Variants in LEF1 observed in about 807,000 individuals in gnomAD.
LEF1 encodes lymphoid enhancer-binding factor 1.
Under a neutral mutation model 51.2 loss-of-function variants are expected in LEF1, and 14 were observed. That is an observed-to-expected ratio of 0.27 (90% CI 0.18 to 0.43). The LOEUF is 0.43. Among genes scored for constraint, LEF1 ranks in the 20% least tolerant of loss-of-function variants. The pLI is 1.00. For synonymous variants in LEF1, 185 were observed against 183.2 expected, an observed-to-expected ratio of 1.01 and a Z score of -0.08; for missense variants, 386 against 512.0, an observed-to-expected ratio of 0.75 and a Z score of 2.37.
chr4:108,075,242 T>G (rs1738773185), intron 8 of LEF1: 1 of 152,208 alleles, frequency 6.6e-6, no homozygotes, highest in Non-Finnish European at 1.5e-5. Flanking sequence ...AGATTGGAAA[T>G]AGCTGCATTT....
rs575034757 is a variant in LEF1, at chr4:108,073,067, C to A, written c.1009-2297G>T. The stretch of plus-strand genomic sequence containing the variant: ...TACAGGAATACATTACCAGGCCTGG[C>A]TAATCCTTGATTTTGTAAAAGAAAA... On this transcript the variant is annotated intron_variant, in intron 8 of 11. Transcript: ENST00000265165. Among the ~76,000 whole-genome samples, 14 of 152,282 alleles carry A rather than the reference C, an allele frequency of 9.2e-5. No individual in the cohort carries two copies. The East Asian group carries it at 2.7e-3, about 29-fold the overall frequency.
intron 4 of LEF1, among the ~76,000 whole-genome samples, chr4:108,087,391 C>T (rs892493081): frequency 3.3e-5 from 5 of 151,430 alleles, no homozygotes; most frequent in African/African-American, 1.2e-4. Flanking sequence ...CTGGTGATGA[C>T]CATTAGTCCC....
rs1739813758 is a variant in LEF1, at chr4:108,088,735, T to G, written c.547+390A>C. On this transcript the variant is annotated intron_variant, in intron 4 of 11. Coordinates refer to ENST00000265165, the MANE Select transcript of LEF1 (RefSeq NM_016269.5). ...GATATAATGGAATAACCAAAAGAGA[T>G]TCAAAAGAATAAATCTCCTACTTTC... 5.6e-5 allele frequency among the ~76,000 whole-genome samples: 3 copies of G among 53,672 alleles called. No individual in the cohort carries two copies. The Admixed American group carries it at 7.7e-4, about 14-fold the overall frequency. The allele number at this position is 53,672 out of a possible 152,430, so 35.2% of individuals were successfully genotyped here.
intron 11 of LEF1, among the ~76,000 whole-genome samples, chr4:108,049,269 C>A (rs567117707): frequency 6.6e-6 from 1 of 152,134 alleles, no homozygotes; most frequent in African/African-American, 2.4e-5. Context: ...GGATACAAAC[C>A]GCTCCCTTTT....
chr4:108,121,631 A>C (rs186052707), intron 3 of LEF1, among the ~76,000 whole-genome samples: 1 of 151,966 alleles, frequency 6.6e-6, no homozygotes, highest in Admixed American at 6.6e-5. Context: ...ATCTTAAAAA[A>C]CTCACACCTA....
rs542970716 is a variant in LEF1, at chr4:108,147,529, T to C, written c.414+16039A>G. ...AAAATTTAATCTCCATTTTCCTCTA[T>C]AGATACATAAGAAGCCCTCATAAAA... On this transcript the variant is annotated intron_variant, in intron 3 of 11. Coordinates refer to ENST00000265165, the MANE Select transcript of LEF1 (RefSeq NM_016269.5). 4.9e-4 allele frequency among the ~76,000 whole-genome samples: 75 copies of C among 152,346 alleles called. 2 individuals carry two copies. In the South Asian group the frequency reaches 0.014, roughly 29 times the overall value.
chr4:108,166,509 A>C, intron 1 of LEF1: 1 of 1,348,912 alleles, frequency 7.4e-7, no homozygotes, highest in South Asian at 1.6e-5. Flanking sequence ...GTTGTGGAAC[A>C]AGGGTGACCA....
intron 11 of LEF1, among the ~76,000 whole-genome samples, chr4:108,062,642 C>T (rs778590127): frequency 6.6e-6 from 1 of 152,138 alleles, no homozygotes; most frequent in Non-Finnish European, 1.5e-5. Flanking sequence ...GGAAATCCCT[C>T]CAGGAGCAAC....
In LEF1 at chr4:108,167,778, C is replaced by T; in HGVS notation, c.-11G>A. 1.9e-6 allele frequency: 3 copies of T among 1,609,736 alleles called. No individual in the cohort carries two copies. Among genetic ancestry groups the T allele is most frequent in the Non-Finnish European group, 2.5e-6 (3 of 1,179,222 alleles). The stretch of plus-strand genomic sequence containing the variant: ...GGAGAGTTGGGGCATCCCGGCGGCT[C>T]TGTAATCTCCGCTCCGCTGTGGGAG... On this transcript the variant is annotated 5_prime_UTR_variant, in exon 1 of 12. Coordinates refer to ENST00000265165, the MANE Select transcript of LEF1 (RefSeq NM_016269.5). The surrounding 1 kb of genome is among the most constrained non-coding windows in gnomAD (Gnocchi z 5.7).
intron 3 of LEF1, among the ~76,000 whole-genome samples, chr4:108,154,290 T>C (rs967723927): frequency 5.9e-5 from 9 of 151,918 alleles, no homozygotes; most frequent in African/African-American, 9.7e-5. Context: ...TAAGGAACCG[T>C]ATTAAATTGG....
chr4:108,152,940 C>A (rs921035833), intron 3 of LEF1, among the ~76,000 whole-genome samples: 18 of 152,338 alleles, frequency 1.2e-4, no homozygotes, highest in Middle Eastern at 3.4e-3. Context: ...TGCTTTGCTG[C>A]TGCTCTCTTT....
chr4:108,072,706 A>G (rs545382037), intron 8 of LEF1: 44 of 152,340 alleles, frequency 2.9e-4, no homozygotes, highest in African/African-American at 9.9e-4. Flanking sequence ...TCTTTGTACT[A>G]GTAGAATAAA....
intron 3 of LEF1, among the ~76,000 whole-genome samples, chr4:108,107,018 C>T (rs1454780098): frequency 1.3e-5 from 2 of 152,196 alleles, no homozygotes; most frequent in African/African-American, 4.8e-5. Flanking sequence ...GCTGGCTGGT[C>T]ACTTGTGCAT....
chr4:108,094,290 C>G (rs945285220), intron 3 of LEF1, among the ~76,000 whole-genome samples: 3 of 152,224 alleles, frequency 2.0e-5, no homozygotes, highest in South Asian at 2.1e-4. Context: ...TGCAGCCTTT[C>G]TCTCCAGGAC....
intron 2 of LEF1, 94 bp downstream of exon 2, chr4:108,165,003 A>T: frequency 9.6e-7 from 1 of 1,042,810 alleles, no homozygotes; most frequent in Non-Finnish European, 1.5e-6. Flanking sequence ...ACCTAGTCCC[A>T]GTTTCTTGAA....
intron 3 of LEF1, among the ~76,000 whole-genome samples, chr4:108,118,357 C>T (rs531310914): frequency 5.3e-5 from 8 of 152,270 alleles, no homozygotes; most frequent in African/African-American, 1.4e-4. Flanking sequence ...CTCAACAGAT[C>T]GATTTGTCAA....
intron 8 of LEF1, among the ~76,000 whole-genome samples, chr4:108,075,015 C>T (rs1169723321): frequency 6.6e-6 from 1 of 152,178 alleles, no homozygotes; most frequent in Non-Finnish European, 1.5e-5. Flanking sequence ...CTGATTTCTT[C>T]TTTTAAAGAG....
intron 3 of LEF1, among the ~76,000 whole-genome samples, chr4:108,095,117 T>A (rs2110280703): frequency 6.6e-6 from 1 of 152,262 alleles, no homozygotes; most frequent in Non-Finnish European, 1.5e-5. Context: ...CAGCTGCATT[T>A]TTCAGATAAG....
At chr4:108,048,856 T>C (rs187000369) in intron 11 of LEF1, 105 bp from the exon 12 acceptor site, 61 of 696,466 alleles carry the variant, frequency 8.8e-5, no homozygotes, top group Admixed American at 4.1e-4. Flanking sequence ...CTGCATTTAA[T>C]TAATCCATTT....
Sources: gnomAD v4.1 joint callset for allele counts (sites outside exome capture counted in the v4.1 genomes callset) on GRCh38, gnomAD v4.1.1 for gene constraint, Gnocchi (gnomAD v3.1) non-coding constraint, MANE v1.5 for transcripts, NCBI Gene and HGNC (gene_info 2026-07-23, HGNC 2026-07-21) for gene names.